Variants in CCSER1 observed in about 807,000 individuals in gnomAD.
The protein encoded by CCSER1 is coiled-coil serine rich protein 1.
In CCSER1, 41 loss-of-function variants were observed where a neutral mutation model predicts 82.0. The ratio of observed to expected loss-of-function variants is 0.50; its 90% CI spans 0.39 to 0.65. The LOEUF (loss-of-function observed/expected upper bound fraction) is 0.65. Ranked by LOEUF, CCSER1 falls within the 30% of genes least tolerant of loss-of-function variation. CCSER1 has a pLI of 0.00. For synonymous variants in CCSER1, 414 were observed against 383.9 expected (o/e 1.08, Z -0.92); for missense variants, 1,119 against 1,064.2 (o/e 1.05, Z -0.72).
At chr4:91,168,484 G>A (rs562272678) in intron 10 of CCSER1, among the ~76,000 whole-genome samples, 15 of 140,998 alleles carry the variant, frequency 1.1e-4, no homozygotes, top group Admixed American at 4.3e-4. Flanking sequence ...CAGCCGCCCC[G>A]TCTGGGAAGC....
At chr4:90,298,381 T>C (rs1352775258) in intron 1 of CCSER1, among the ~76,000 whole-genome samples, 2 of 152,080 alleles carry the variant, frequency 1.3e-5, no homozygotes, top group Non-Finnish European at 2.9e-5. Flanking sequence ...GATTCTTCTC[T>C]CTTTTCTTCT....
At chr4:90,262,009 T>G (rs79274942) in intron 1 of CCSER1, among the ~76,000 whole-genome samples, 1 of 152,132 alleles carries the variant, frequency 6.6e-6, no homozygotes, top group Non-Finnish European at 1.5e-5. Flanking sequence ...TTGAATTTTT[T>G]TTAAATTTAT....
chr4:91,480,303 C>T (rs948880637), intron 10 of CCSER1, among the ~76,000 whole-genome samples: 1 of 152,128 alleles, frequency 6.6e-6, no homozygotes, highest in Admixed American at 6.6e-5. Flanking sequence ...TTCTAGATCC[C>T]TAAGGAATCA....
intron 10 of CCSER1, among the ~76,000 whole-genome samples, chr4:91,122,413 T>C (rs1448619738): frequency 1.3e-5 from 2 of 151,750 alleles, no homozygotes; most frequent in Non-Finnish European, 3.0e-5. Flanking sequence ...TTCAGCAACT[T>C]GACATTTTTT....
chr4:91,432,681 TTC>T (rs1754399934), intron 10 of CCSER1, among the ~76,000 whole-genome samples: 1 of 152,190 alleles, frequency 6.6e-6, no homozygotes, highest in African/African-American at 2.4e-5. Context: ...GGGACATATA[TTC>T]CTTTATGTGA....
intron 6 of CCSER1, among the ~76,000 whole-genome samples, chr4:90,666,006 G>A (rs1481904466): frequency 6.6e-6 from 1 of 151,932 alleles, no homozygotes; most frequent in African/African-American, 2.4e-5. Context: ...TACAGGCCTG[G>A]AGCCTCTGTC....
intron 9 of CCSER1, among the ~76,000 whole-genome samples, chr4:91,060,996 C>CA (rs1196722176): frequency 2.1e-4 from 32 of 151,994 alleles, no homozygotes; most frequent in Non-Finnish European, 1.5e-5. Flanking sequence ...TTCTTCTACA[C>CA]AAAAAATAAT....
intron 10 of CCSER1, among the ~76,000 whole-genome samples, chr4:91,151,414 A>C (rs997608057): frequency 6.6e-6 from 1 of 152,032 alleles, no homozygotes; most frequent in South Asian, 2.1e-4. Flanking sequence ...TCTTTTCAAA[A>C]AACCAGCTCC....
intron 10 of CCSER1, among the ~76,000 whole-genome samples, chr4:91,180,360 T>C (rs1304149740): frequency 6.6e-6 from 1 of 152,228 alleles, no homozygotes; most frequent in Non-Finnish European, 1.5e-5. Flanking sequence ...CGTTGAAGTC[T>C]GCAGAAGTTT....
At chr4:90,824,635 A>G (rs1344280125) in intron 8 of CCSER1, among the ~76,000 whole-genome samples, 1 of 152,146 alleles carries the variant, frequency 6.6e-6, no homozygotes, top group Non-Finnish European at 1.5e-5. Context: ...CATGAAAATC[A>G]TATCATGAAT....
At chr4:90,820,256 G>T (rs1218692008) in intron 8 of CCSER1, among the ~76,000 whole-genome samples, 1 of 152,134 alleles carries the variant, frequency 6.6e-6, no homozygotes, top group Non-Finnish European at 1.5e-5. Flanking sequence ...TTCTTCAACT[G>T]TCAAATAATA....
At chr4:90,136,444 T>C (rs1443846646) in intron 1 of CCSER1, among the ~76,000 whole-genome samples, 4 of 152,206 alleles carry the variant, frequency 2.6e-5, no homozygotes, top group Non-Finnish European at 5.9e-5. Context: ...ACCATTCTTA[T>C]TAAACAAATT....
intron 10 of CCSER1, among the ~76,000 whole-genome samples, chr4:91,378,683 T>A (rs6834995): frequency 0.23 from 35,089 of 152,060 alleles, 4,525 homozygotes; most frequent in East Asian, 0.52. Context: ...ATATACAATC[T>A]TGTCATCTGC....
chr4:91,200,007 A>C (rs944666871), intron 10 of CCSER1, among the ~76,000 whole-genome samples: 1 of 151,992 alleles, frequency 6.6e-6, no homozygotes, highest in Non-Finnish European at 1.5e-5. Context: ...ACATTCAAAA[A>C]ACTATATTTA....
chr4:90,640,325 T>C (rs1032462303), intron 6 of CCSER1, among the ~76,000 whole-genome samples: 6 of 152,162 alleles, frequency 3.9e-5, no homozygotes, highest in Non-Finnish European at 8.8e-5. Flanking sequence ...AAATTAATAA[T>C]AGATGTCCTG....
rs555770024 is a variant in CCSER1 at position 90,652,100 on chromosome 4, A to C, written c.1932+23868A>C. Among the ~76,000 whole-genome samples the C allele has an allele frequency of 6.2e-4, 95 of 152,324 alleles. 2 individuals are homozygous for C. The South Asian group carries it at 0.019, about 30-fold the overall frequency. On this transcript the variant is annotated intron_variant, in intron 6 of 10. Coordinates refer to ENST00000509176, the MANE Select transcript of CCSER1 (RefSeq NM_001145065.2). The stretch of plus-strand genomic sequence containing the variant: ...ATTTATATTTATTGAGTAAAATATC[A>C]GACCCCTCACAGTTATTTTCAAATT...
At chr4:91,167,506 A>C (rs1732222122) in intron 10 of CCSER1, among the ~76,000 whole-genome samples, 1 of 152,210 alleles carries the variant, frequency 6.6e-6, no homozygotes, top group South Asian at 2.1e-4. Context: ...ACTTAAACTT[A>C]AGTGCAATAT....
intron 6 of CCSER1, among the ~76,000 whole-genome samples, chr4:90,652,151 C>G (rs1004907118): frequency 6.6e-6 from 1 of 152,018 alleles, no homozygotes; most frequent in Admixed American, 6.6e-5. Context: ...TTTCCTGTAG[C>G]AATTTAATTT....
At chr4:90,915,495 G>C (rs543973498) in intron 8 of CCSER1, among the ~76,000 whole-genome samples, 1 of 152,306 alleles carries the variant, frequency 6.6e-6, no homozygotes, top group South Asian at 2.1e-4. Flanking sequence ...CAATAAGTTA[G>C]GTATTGATGG....
Sources: gnomAD v4.1 joint callset for allele counts (sites outside exome capture counted in the v4.1 genomes callset) on GRCh38, gnomAD v4.1.1 for gene constraint, MANE v1.5 for transcripts, NCBI Gene and HGNC (gene_info 2026-07-23, HGNC 2026-07-21) for gene names.